The following COL24A1 variants were observed in gnomAD, a reference collection of about 807,000 sequenced individuals.
COL24A1 encodes the protein collagen type XXIV alpha 1 chain.
In COL24A1, 224 loss-of-function variants were observed where a neutral mutation model predicts 253.9. That is an observed-to-expected ratio of 0.88 (90% CI 0.79 to 0.99). The LOEUF is 0.99. Ranked by LOEUF, COL24A1 falls within the 50% of genes least tolerant of loss-of-function variation. The pLI, the probability that COL24A1 is intolerant of heterozygous loss-of-function variation, is 0.00. For missense variants in COL24A1, 2,131 were observed against 2,068.5 expected (o/e 1.03, Z -0.59); for synonymous variants, 685 against 673.7 (o/e 1.02, Z -0.26).
chr1:85,770,088 TC>T (rs1667790599), intron 53 of COL24A1, among the ~76,000 whole-genome samples: 1 of 152,132 alleles, frequency 6.6e-6, no homozygotes, highest in Non-Finnish European at 1.5e-5. Context: ...CTTTCACTCT[TC>T]CTTGGAAATA....
chr1:85,917,446 C>A (rs1057415777), intron 24 of COL24A1, among the ~76,000 whole-genome samples: 24 of 151,974 alleles, frequency 1.6e-4, no homozygotes, highest in Non-Finnish European at 5.9e-5. Flanking sequence ...CTTTGCTCAA[C>A]TTATTTTTTC....
chr1:85,824,301 C>T (rs1467079036), intron 43 of COL24A1, among the ~76,000 whole-genome samples: 2 of 152,072 alleles, frequency 1.3e-5, no homozygotes, highest in Non-Finnish European at 2.9e-5. Flanking sequence ...GGGAGCGTGG[C>T]CCTGTTGATC....
At chr1:85,893,038 G>C (rs767144520) in intron 31 of COL24A1, among the ~76,000 whole-genome samples, 13 of 152,002 alleles carry the variant, frequency 8.6e-5, no homozygotes, top group Admixed American at 2.6e-4. Context: ...AATTGAAATT[G>C]AACAAATGCT....
chr1:85,827,130 C>G (rs1191034620), intron 43 of COL24A1, among the ~76,000 whole-genome samples: 2 of 152,108 alleles, frequency 1.3e-5, no homozygotes, highest in African/African-American at 4.8e-5. Context: ...GAGTTTTTAG[C>G]ATGAAGGGCT....
intron 2 of COL24A1, among the ~76,000 whole-genome samples, chr1:86,143,574 G>A (rs1032292668): frequency 6.6e-6 from 1 of 151,928 alleles, no homozygotes; most frequent in Non-Finnish European, 1.5e-5. Flanking sequence ...AGTAGGGAAA[G>A]GAGACACAGA....
chr1:85,952,220 A>G (rs1045642607), intron 24 of COL24A1, among the ~76,000 whole-genome samples: 2 of 152,200 alleles, frequency 1.3e-5, no homozygotes, highest in African/African-American at 4.8e-5. Context: ...GACTTCAAAA[A>G]ACATGTAAAG....
intron 24 of COL24A1, among the ~76,000 whole-genome samples, chr1:85,947,066 T>C (rs765015157): frequency 1.3e-5 from 2 of 152,212 alleles, no homozygotes; most frequent in Non-Finnish European, 2.9e-5. Context: ...AACAGATGCT[T>C]AATAAGTATT....
At chr1:86,046,135 G>A (rs1182243273) in intron 12 of COL24A1, among the ~76,000 whole-genome samples, 1 of 152,186 alleles carries the variant, frequency 6.6e-6, no homozygotes, top group Non-Finnish European at 1.5e-5. Flanking sequence ...GTATTCTGGT[G>A]AGAGCTGCAG....
At chr1:86,041,835 C>T (rs610639) in intron 12 of COL24A1, among the ~76,000 whole-genome samples, 106,222 of 151,976 alleles carry the variant, frequency 0.7, 38,578 homozygotes, top group African/African-American at 0.88. Flanking sequence ...AAAGGTTGTC[C>T]ACTGTCTTGT....
Position 86,125,950 on chromosome 1 carries a change from T to C in COL24A1, c.386A>G (p.Asn129Ser). 1 of 1,613,548 alleles carries C rather than the reference T, an allele frequency of 6.2e-7. No homozygotes were observed. Among genetic ancestry groups the C allele is most frequent in the Non-Finnish European group, 8.5e-7 (1 of 1,179,764 alleles). The change falls in exon 3 of 60, where the codon AAT becomes AGT. Residue 129 changes from asparagine to serine, a missense_variant. Transcript: ENST00000370571. ...NAFLFSIRNK[N>S]RLQLGVQLLP... ...TAATTGTACTCCTAATTGCAGTCTATTTTTATTTCTAATGCTGAAGAGAAA... is the reference window on the plus strand; with the variant it reads ...TAATTGTACTCCTAATTGCAGTCTACTTTTATTTCTAATGCTGAAGAGAAA...
At chr1:85,878,915 C>T (rs2102633262) in intron 32 of COL24A1, among the ~76,000 whole-genome samples, 1 of 152,198 alleles carries the variant, frequency 6.6e-6, no homozygotes, top group Middle Eastern at 3.4e-3. Context: ...TTTTTGCCAA[C>T]ATTTTAACTG....
intron 24 of COL24A1, among the ~76,000 whole-genome samples, chr1:85,957,229 T>C (rs1471847975): frequency 6.6e-6 from 1 of 152,030 alleles, no homozygotes. Context: ...TGAGGACAAA[T>C]ACCTAATGCA....
chr1:86,105,401 C>T (rs2102079167), intron 5 of COL24A1, among the ~76,000 whole-genome samples: 1 of 152,288 alleles, frequency 6.6e-6, no homozygotes, highest in South Asian at 2.1e-4. Context: ...GAGGGCCGCT[C>T]TGCTGGTCAG....
chr1:85,820,616 C>T (rs921511517), intron 45 of COL24A1, among the ~76,000 whole-genome samples: 1 of 152,194 alleles, frequency 6.6e-6, no homozygotes, highest in African/African-American at 2.4e-5. Flanking sequence ...CACCTGCCTT[C>T]CCTACCATCT....
At chr1:85,836,822 G>C (rs933734918) in intron 43 of COL24A1, among the ~76,000 whole-genome samples, 13 of 151,970 alleles carry the variant, frequency 8.6e-5, no homozygotes, top group African/African-American at 2.9e-4. Flanking sequence ...GAAGGGGAAG[G>C]AGAAGTAGAT....
intron 52 of COL24A1, among the ~76,000 whole-genome samples, chr1:85,778,972 CT>C (rs1668877416): frequency 6.6e-6 from 1 of 151,876 alleles, no homozygotes; most frequent in African/African-American, 2.4e-5. Flanking sequence ...GAGTAAAATA[CT>C]TTTGGCAAAT....
At chr1:85,871,378 G>A (rs1225268951) in intron 35 of COL24A1, among the ~76,000 whole-genome samples, 1 of 152,066 alleles carries the variant, frequency 6.6e-6, no homozygotes, top group Non-Finnish European at 1.5e-5. Flanking sequence ...CCAAAGCCTG[G>A]CAGAGACACA....
intron 5 of COL24A1, among the ~76,000 whole-genome samples, chr1:86,106,250 AC>A (rs1704971292): frequency 6.6e-6 from 1 of 152,184 alleles, no homozygotes; most frequent in African/African-American, 2.4e-5. Flanking sequence ...GACAGTCATA[AC>A]CAGGGATAGA....
At chr1:85,991,129 T>C (rs117376809) in intron 19 of COL24A1, among the ~76,000 whole-genome samples, 2 of 152,308 alleles carry the variant, frequency 1.3e-5, no homozygotes, top group East Asian at 3.9e-4. Flanking sequence ...CTGATTGTCT[T>C]GCCAAAAACA....
Sources: allele counts gnomAD v4.1 joint callset (sites outside exome capture counted in the v4.1 genomes callset), GRCh38; gene constraint gnomAD v4.1.1; transcripts MANE v1.5; gene names NCBI Gene and HGNC (gene_info 2026-07-23, HGNC 2026-07-21).